SOX6: variants seen among roughly 807,000 people sequenced by gnomAD.
SOX6 encodes the protein SRY-box transcription factor 6.
SOX6 carries 11 observed loss-of-function variants against 97.8 expected under a neutral mutation model. The ratio of observed to expected loss-of-function variants is 0.11; its 90% CI spans 0.07 to 0.19. SOX6 has a LOEUF of 0.19. SOX6 is among the 10% of genes least tolerant of loss of function. The pLI, the probability that SOX6 is intolerant of heterozygous loss-of-function variation, is 1.00. For synonymous variants in SOX6, 360 were observed against 371.4 expected (o/e 0.97, Z 0.35); for missense variants, 810 against 1,039.5 (o/e 0.78, Z 3.04).
At chr11:16,159,434 A>T (rs1331409511) in intron 6 of SOX6, among the ~76,000 whole-genome samples, 5 of 152,080 alleles carry the variant, frequency 3.3e-5, no homozygotes, top group African/African-American at 4.8e-5. Flanking sequence ...GTTTGGTTTT[A>T]AAAAATACTT....
chr11:16,633,048 G>T (rs1848734892), intron 3 of SOX6, among the ~76,000 whole-genome samples: 1 of 152,144 alleles, frequency 6.6e-6, no homozygotes, highest in Non-Finnish European at 1.5e-5. Context: ...GGGCCTCCCT[G>T]TACCAGGATC....
chr11:16,269,211 A>G (rs1854171725), intron 3 of SOX6, among the ~76,000 whole-genome samples: 1 of 150,888 alleles, frequency 6.6e-6, no homozygotes, highest in African/African-American at 2.4e-5. Flanking sequence ...TGCTAACTTC[A>G]TTATATACTA....
chr11:16,416,358 T>C lies in SOX6; in HGVS notation c.-5+59957A>G, dbSNP rs1858926635. On this transcript the variant is annotated intron_variant, in intron 1 of 15. Transcript: ENST00000396356. ...GGCACAGAATTTTCCAAGAAGTCTCTAGTCTCTCTGGAACTATAAAAATTA... is the reference window on the plus strand; with the variant it reads ...GGCACAGAATTTTCCAAGAAGTCTCCAGTCTCTCTGGAACTATAAAAATTA... Among the ~76,000 whole-genome samples, 3 of 152,342 alleles carry C rather than the reference T, an allele frequency of 2.0e-5. No individual in the cohort carries two copies. The South Asian group carries it at 6.2e-4, about 32-fold the overall frequency.
chr11:16,329,789 G>A (rs182342288), intron 2 of SOX6, among the ~76,000 whole-genome samples: 20 of 152,242 alleles, frequency 1.3e-4, no homozygotes, highest in Non-Finnish European at 2.4e-4. Context: ...CTCCCTAAAC[G>A]CTTTCACTAA....
In SOX6 at chr11:16,132,444, A is replaced by AAAAGAAAG. The variant is rs59652288; in HGVS notation, c.778-20529_778-20522dup. On this transcript the variant is annotated intron_variant, in intron 6 of 15. Coordinates refer to ENST00000683767, the MANE Select transcript of SOX6 (RefSeq NM_001367873.1). ...AAGAAAGAAAGAAAGAAAGAAAGAA[A>AAAAGAAAG]AAAGAAAGAAAGAAAGAAAGAAAGA... Among the ~76,000 whole-genome samples the AAAAGAAAG allele has an allele frequency of 9.6e-3, 261 of 27,198 alleles. 29 individuals carry two copies. Among genetic ancestry groups the AAAAGAAAG allele is most frequent in the East Asian group, 0.015 (10 of 666 alleles). The allele number at this position is 27,198 out of a possible 152,430, so 17.8% of individuals were successfully genotyped here.
intron 13 of SOX6, among the ~76,000 whole-genome samples, chr11:16,008,077 A>T (rs1854610008): frequency 6.6e-6 from 1 of 152,030 alleles, no homozygotes; most frequent in Admixed American, 6.6e-5. Context: ...CTTGCACATA[A>T]CCTATGCATA....
Position 16,247,998 on chromosome 11 carries a change from A to C in SOX6, c.446-13327T>G, listed in dbSNP as rs544145499. ...AAATAGGGGTACAGACATTGGGTAAATACACCCATTCCAAATGGGAGAAAT... is the reference window on the plus strand; with the variant it reads ...AAATAGGGGTACAGACATTGGGTAACTACACCCATTCCAAATGGGAGAAAT... On this transcript the variant is annotated intron_variant, in intron 3 of 15. Coordinates refer to ENST00000683767, the MANE Select transcript of SOX6 (RefSeq NM_001367873.1). 4.6e-5 allele frequency among the ~76,000 whole-genome samples: 7 copies of C among 152,334 alleles called. No homozygotes were observed. In the East Asian group the frequency reaches 1.2e-3, roughly 25 times the overall value.
intron 4 of SOX6, among the ~76,000 whole-genome samples, chr11:16,520,337 T>C (rs572672147): frequency 6.6e-6 from 1 of 152,334 alleles, no homozygotes; most frequent in East Asian, 1.9e-4. Context: ...TCAGGTCTTA[T>C]AGTTAAGTCT....
At chr11:16,591,177 C>A (rs1848145829) in intron 4 of SOX6, among the ~76,000 whole-genome samples, 1 of 152,156 alleles carries the variant, frequency 6.6e-6, no homozygotes, top group African/African-American at 2.4e-5. Flanking sequence ...TTTGCAGCAT[C>A]CAGCAGTTCA....
intron 3 of SOX6, among the ~76,000 whole-genome samples, chr11:16,682,103 C>T (rs1423457210): frequency 2.6e-5 from 4 of 152,342 alleles, no homozygotes; most frequent in African/African-American, 9.6e-5. Flanking sequence ...TGCTCCCTAA[C>T]TCATTTTATG....
chr11:16,586,566 T>C (rs1309689061), intron 4 of SOX6, among the ~76,000 whole-genome samples: 1 of 152,100 alleles, frequency 6.6e-6, no homozygotes, highest in Non-Finnish European at 1.5e-5. Context: ...ATAAAAATTT[T>C]TTGATTAGCT....
intron 4 of SOX6, among the ~76,000 whole-genome samples, chr11:16,551,191 A>G (rs1016210109): frequency 1.6e-4 from 24 of 152,056 alleles, no homozygotes; most frequent in African/African-American, 5.3e-4. Context: ...AAAAAAATTT[A>G]AAATAAAAAA....
intron 3 of SOX6, among the ~76,000 whole-genome samples, chr11:16,310,212 T>C (rs530825361): frequency 1.1e-4 from 16 of 152,070 alleles, no homozygotes; most frequent in East Asian, 5.8e-4. Context: ...GCAAAACATA[T>C]AGCAAATAGA....
intron 3 of SOX6, among the ~76,000 whole-genome samples, chr11:16,258,929 T>G (rs745756813): frequency 6.6e-5 from 10 of 151,746 alleles, no homozygotes; most frequent in Non-Finnish European, 1.2e-4. Context: ...CATATATGTA[T>G]GTATAGAAAC....
At chr11:16,102,408 G>T (rs1848971268) in intron 7 of SOX6, among the ~76,000 whole-genome samples, 1 of 151,992 alleles carries the variant, frequency 6.6e-6, no homozygotes, top group Non-Finnish European at 1.5e-5. Context: ...CACATCCCAT[G>T]CTCATGGTTG....
chr11:16,591,846 G>C (rs1848157452), intron 4 of SOX6, among the ~76,000 whole-genome samples: 1 of 152,000 alleles, frequency 6.6e-6, no homozygotes, highest in South Asian at 2.1e-4. Context: ...TCTCCCATTT[G>C]GATCTATTTT....
At chr11:16,363,458 A>T (rs1386144374) in intron 1 of SOX6, among the ~76,000 whole-genome samples, 1 of 152,170 alleles carries the variant, frequency 6.6e-6, no homozygotes, top group Admixed American at 6.6e-5. Context: ...TCCCAAAAAA[A>T]GTCTGAAACT....
At chr11:16,025,261 G>T (rs148900518) in intron 12 of SOX6, among the ~76,000 whole-genome samples, 1 of 152,090 alleles carries the variant, frequency 6.6e-6, no homozygotes, top group African/African-American at 2.4e-5. Context: ...CTTTTTATTC[G>T]TGTACAGAGG....
At chr11:16,390,941 C>T (rs1012126562) in intron 1 of SOX6, among the ~76,000 whole-genome samples, 1 of 152,104 alleles carries the variant, frequency 6.6e-6, no homozygotes, top group Non-Finnish European at 1.5e-5. Flanking sequence ...TGGAACCAAC[C>T]CAAACGTCCA....
Sources: gnomAD v4.1 joint callset for allele counts (sites outside exome capture counted in the v4.1 genomes callset) on GRCh38, gnomAD v4.1.1 for gene constraint, MANE v1.5 for transcripts, NCBI Gene and HGNC (gene_info 2026-07-23, HGNC 2026-07-21) for gene names.